The following FREM1 variants were observed in gnomAD, a reference collection of about 807,000 sequenced individuals.
FREM1 encodes FRAS1-related extracellular matrix protein 1.
FREM1 carries 220 observed loss-of-function variants against 210.1 expected under a neutral mutation model. That is an observed-to-expected ratio of 1.05 (90% CI 0.94 to 1.17). FREM1 has a LOEUF of 1.17. Among genes scored for constraint, FREM1 ranks in the 50% most tolerant of loss-of-function variants. The pLI is 0.00. For missense variants in FREM1, 3,454 were observed against 2,675.5 expected, an observed-to-expected ratio of 1.29 and a Z score of -6.42; for synonymous variants, 1,189 against 980.2, an observed-to-expected ratio of 1.21 and a Z score of -3.98.
chr9:14,861,206 CAT>C (rs549993474), intron 3 of FREM1, among the ~76,000 whole-genome samples: 4,755 of 67,950 alleles, frequency 0.07, 811 homozygotes, highest in African/African-American at 0.31. Context: ...TATATACACA[CAT>C]ATACATATAT....
At chr9:14,907,945 A>T (rs965019472) in intron 1 of FREM1, among the ~76,000 whole-genome samples, 2 of 152,134 alleles carry the variant, frequency 1.3e-5, no homozygotes, top group Non-Finnish European at 2.9e-5. Context: ...AACAACTAAG[A>T]TTTGAAACAC....
At chr9:14,900,430 A>T (rs1380116851) in intron 1 of FREM1, among the ~76,000 whole-genome samples, 1 of 152,196 alleles carries the variant, frequency 6.6e-6, no homozygotes, top group Admixed American at 6.5e-5. Context: ...TGAAGTTAGG[A>T]TCTTTGGCAT....
chr9:14,784,868 G>T (rs534009938), intron 23 of FREM1, among the ~76,000 whole-genome samples: 2 of 152,278 alleles, frequency 1.3e-5, no homozygotes, highest in East Asian at 1.9e-4. Flanking sequence ...AAGCTCATTA[G>T]TAATTATGGA....
intron 1 of FREM1, among the ~76,000 whole-genome samples, chr9:14,901,574 T>TA (rs920372301): frequency 2.0e-5 from 3 of 151,448 alleles, no homozygotes; most frequent in African/African-American, 7.4e-5. Context: ...GACTCCTTTT[T>TA]AAAAAATAAA....
chr9:14,833,502 T>C (rs898932095), intron 10 of FREM1, among the ~76,000 whole-genome samples: 1 of 152,184 alleles, frequency 6.6e-6, no homozygotes, highest in African/African-American at 2.4e-5. Flanking sequence ...AATTTTGTAA[T>C]GGTAGTTTCA....
At chr9:14,831,326 C>A (rs2642405) in intron 10 of FREM1, among the ~76,000 whole-genome samples, 65,403 of 152,114 alleles carry the variant, frequency 0.43, 15,726 homozygotes, top group East Asian at 0.73. Context: ...AGTCTAGGAA[C>A]AAAGTTACAG....
chr9:14,809,684 T>C (rs1819039188), intron 16 of FREM1, among the ~76,000 whole-genome samples: 1 of 152,218 alleles, frequency 6.6e-6, no homozygotes, highest in Non-Finnish European at 1.5e-5. Context: ...AGTAATTCAC[T>C]CAGTAAATAT....
At chr9:14,792,608 T>C in intron 22 of FREM1, 135 bp downstream of exon 22, 1 of 595,704 alleles carries the variant, frequency 1.7e-6, no homozygotes, top group Non-Finnish European at 2.7e-6. Context: ...CACCCTGAAC[T>C]AGTAAAATTA....
chr9:14,775,623 G>A (rs567768102), intron 25 of FREM1, among the ~76,000 whole-genome samples, 166 bp downstream of exon 25: 2 of 146,436 alleles, frequency 1.4e-5, no homozygotes, highest in East Asian at 4.2e-4. Context: ...CAGGAGAATC[G>A]CTTGAGCCCA....
chr9:14,817,790 G>C (rs1400886502), intron 14 of FREM1, among the ~76,000 whole-genome samples: 1 of 152,110 alleles, frequency 6.6e-6, no homozygotes, highest in African/African-American at 2.4e-5. Flanking sequence ...CCTTCCTATG[G>C]TGGGGAAGTC....
chr9:14,861,268 C>CATATAT (rs1564107813), intron 3 of FREM1, among the ~76,000 whole-genome samples: 1 of 88,476 alleles, frequency 1.1e-5, no homozygotes, highest in African/African-American at 7.1e-5. Flanking sequence ...TACACATATA[C>CATATAT]ACATATATAC....
intron 30 of FREM1, among the ~76,000 whole-genome samples, chr9:14,749,191 G>A (rs976020524): frequency 6.6e-6 from 1 of 152,110 alleles, no homozygotes; most frequent in Non-Finnish European, 1.5e-5. Flanking sequence ...AAAAATTTGA[G>A]GGCAAAACCC....
intron 1 of FREM1, among the ~76,000 whole-genome samples, chr9:14,883,563 G>T (rs1835206682): frequency 6.6e-6 from 1 of 152,096 alleles, no homozygotes; most frequent in South Asian, 2.1e-4. Flanking sequence ...AGGGCCAGAA[G>T]AAAAACAGAA....
chr9:14,844,031 A>T (rs1443678511), intron 8 of FREM1, among the ~76,000 whole-genome samples: 2 of 152,210 alleles, frequency 1.3e-5, no homozygotes, highest in Non-Finnish European at 2.9e-5. Flanking sequence ...TAAAGTTGAT[A>T]TGAGATAACA....
intron 1 of FREM1, among the ~76,000 whole-genome samples, chr9:14,900,402 G>T (rs1838569058): frequency 6.6e-6 from 1 of 152,222 alleles, no homozygotes; most frequent in South Asian, 2.1e-4. Flanking sequence ...GGTAAAAGGA[G>T]CTTTGGTGTC....
chr9:14,790,808 C>G (rs1007772834), intron 22 of FREM1: 6 of 152,194 alleles, frequency 3.9e-5, no homozygotes, highest in African/African-American at 1.4e-4. Flanking sequence ...ATACTGGGAA[C>G]CTGGACCCAT....
Position 14,824,099 on chromosome 9 carries a change from T to C in FREM1, c.2095A>G (p.Lys699Glu). ...GGTATGCTGTCCACCATAAATAATT[T>C]CCCAGCATCCAAGTGTCTAAAGAGA... ...SFSHRHLDAG[K>E]LFMVDSIPKV... The change falls in exon 12 of 37, where the codon AAA becomes GAA. Residue 699 changes from lysine (K) to glutamate (E), a missense_variant. Physicochemically the swap from Lys to Glu is moderately conservative, Grantham distance 56 (BLOSUM62 1). Transcript: ENST00000380880. The C allele has an allele frequency of 6.3e-7, 1 of 1,579,708 alleles. No homozygotes were observed. Among genetic ancestry groups the C allele is most frequent in the Non-Finnish European group, 8.6e-7 (1 of 1,160,630 alleles).
At chr9:14,742,858 T>C (rs1346392480) in intron 35 of FREM1, among the ~76,000 whole-genome samples, 1 of 152,146 alleles carries the variant, frequency 6.6e-6, no homozygotes, top group Non-Finnish European at 1.5e-5. Context: ...TCAGTACACC[T>C]ATGATGAGAA....
intron 1 of FREM1, among the ~76,000 whole-genome samples, chr9:14,874,302 A>C (rs1434610131): frequency 6.6e-6 from 1 of 151,414 alleles, no homozygotes; most frequent in Non-Finnish European, 1.5e-5. Context: ...GTGGGAGTCT[A>C]AGTCTCTTTG....
Sources: gnomAD v4.1 joint callset for allele counts (sites outside exome capture counted in the v4.1 genomes callset) on GRCh38, gnomAD v4.1.1 for gene constraint, MANE v1.5 for transcripts, NCBI Gene and HGNC (gene_info 2026-07-23, HGNC 2026-07-21) for gene names.